USP7: variants seen among roughly 807,000 people sequenced by gnomAD.
USP7 encodes ubiquitin specific peptidase 7.
In USP7, 9 loss-of-function variants were observed where a neutral mutation model predicts 162.9. That is an observed-to-expected ratio of 0.06 (90% confidence interval 0.03 to 0.10). The LOEUF (loss-of-function observed/expected upper bound fraction) is 0.10. USP7 is among the 10% of genes least tolerant of loss of function. USP7 has a pLI of 1.00. For synonymous variants in USP7, 562 were observed against 475.9 expected (o/e 1.18, Z -2.35); for missense variants, 715 against 1,373.7 (o/e 0.52, Z 7.58).
chr16:8,961,514 G>GC (rs1900012612), intron 1 of USP7, among the ~76,000 whole-genome samples: 1 of 122,162 alleles, frequency 8.2e-6, no homozygotes, highest in South Asian at 3.3e-4. Context: ...AGGGGGGGGG[G>GC]GGCAAATACC....
intron 2 of USP7, among the ~76,000 whole-genome samples, chr16:8,928,849 G>C (rs1339447470): frequency 6.6e-6 from 1 of 152,040 alleles, no homozygotes; most frequent in African/African-American, 2.4e-5. Flanking sequence ...TACCCATATT[G>C]TCCCCTCATA....
In USP7 at chr16:8,892,693, T is replaced by C. The variant is rs1402082788; in HGVS notation, c.*1305A>G. The C allele has an allele frequency of 6.6e-6, 1 of 151,776 alleles. No individual in the cohort carries two copies. The highest frequency in any genetic ancestry group is 2.4e-5 in the African/African-American group (1 of 41,288). The allele number at this position is 151,776 out of a possible 1,614,324, so 9.4% of individuals were successfully genotyped here. ...GGAAAAGTACATCTCAGTGAAACCT[T>C]GTTACAAATGCCAAGGTTTCCCAGG... On this transcript the variant is annotated 3_prime_UTR_variant, in exon 31 of 31. Coordinates refer to ENST00000344836, the MANE Select transcript of USP7 (RefSeq NM_003470.3).
intron 1 of USP7, among the ~76,000 whole-genome samples, chr16:8,948,828 G>A (rs541653367): frequency 1.3e-5 from 2 of 152,338 alleles, no homozygotes; most frequent in East Asian, 3.9e-4. Context: ...GCCAGGCGTG[G>A]TGGCGTGTGC....
chr16:8,904,580 C>G lies in USP7; in HGVS notation c.1574-15G>C. ...TAAAACTTCACCTGCAGGACAAAGG[C>G]ATCCTCTTTGACCCCTGCAGATGGA... On this transcript the variant is annotated splice_polypyrimidine_tract_variant and intron_variant, in intron 14 of 30. Transcript: ENST00000344836. 6.2e-7 allele frequency: 1 copy of G among 1,613,178 alleles called. No homozygotes were observed. The highest frequency in any genetic ancestry group is 8.5e-7 in the Non-Finnish European group (1 of 1,179,768).
chr16:8,905,017 A>AT (rs1411461452), intron 14 of USP7, among the ~76,000 whole-genome samples, 170 bp downstream of exon 14: 1 of 152,204 alleles, frequency 6.6e-6, no homozygotes, highest in Non-Finnish European at 1.5e-5. Flanking sequence ...ACTTGGTACC[A>AT]TAAGTCTGCA....
rs1242551282 is a variant in USP7 at position 8,892,665 on chromosome 16, G to GAAGGAAA, written c.*1326_*1332dup. ...ACCCTGCCCCCGCAAAACGGAATTAGAAGGAAAAGTACATCTCAGTGAAAC... is the reference window on the plus strand; with the variant it reads ...ACCCTGCCCCCGCAAAACGGAATTAGAAGGAAAAAGGAAAAGTACATCTCAGTGAAAC... On this transcript the variant is annotated 3_prime_UTR_variant, in exon 31 of 31. Transcript: ENST00000344836. The GAAGGAAA allele has an allele frequency of 6.9e-6, 1 of 143,950 alleles. No homozygotes were observed. Among genetic ancestry groups the GAAGGAAA allele is most frequent in the Non-Finnish European group, 1.5e-5 (1 of 65,852 alleles). 8.9% of individuals were successfully genotyped at this position (143,950 alleles called of 1,614,324 possible).
At chr16:8,915,397 C>T (rs372000415) in intron 9 of USP7, 48 bp downstream of exon 9, 35 of 1,612,624 alleles carry the variant, frequency 2.2e-5, no homozygotes, top group Non-Finnish European at 2.8e-5. Context: ...AAAAAATTCA[C>T]ATTCTAAAAC....
rs1898256050 is a variant in USP7 at position 8,930,467 on chromosome 16, C to T, written c.80-70G>A. ...TTTAATAGAATAAGCAAAATATAAA[C>T]TTATACTTTTGATGTTGCCTAATCA... is the stretch of plus-strand genomic sequence containing the variant. On this transcript the variant is annotated intron_variant, in intron 1 of 30. Transcript: ENST00000344836. 1.7e-5 allele frequency: 19 copies of T among 1,122,694 alleles called. No homozygotes were observed. In the South Asian group the frequency reaches 2.7e-4, roughly 16 times the overall value. 69.5% of individuals were successfully genotyped at this position (1,122,694 alleles called of 1,614,324 possible).
rs1900118194 is a variant in USP7 at position 8,963,761 on chromosome 16, G to A, written c.-476C>T. Among the ~76,000 whole-genome samples, 1 of 144,242 alleles carries A rather than the reference G, an allele frequency of 6.9e-6. No individual in the cohort carries two copies. The highest frequency in any genetic ancestry group is 2.1e-4 in the South Asian group (1 of 4,720). 94.6% of individuals were successfully genotyped at this position (144,242 alleles called of 152,430 possible). A position where few individuals can be genotyped will look rare whatever the true frequency, so the allele number is the denominator to read the frequency against. ...TGCGGGCCCTGGGGCCGGCGGGAGC[G>A]GCGGAGCGGGCGGGCGACGGGCCGG... On this transcript the variant is annotated 5_prime_UTR_variant, in exon 1 of 31. Coordinates refer to ENST00000344836, the MANE Select transcript of USP7 (RefSeq NM_003470.3).
At chr16:8,903,486 G>A (rs1011330171) in intron 15 of USP7, 84 bp from the exon 16 acceptor site, 4 of 1,419,152 alleles carry the variant, frequency 2.8e-6, no homozygotes, top group Admixed American at 2.7e-5. Context: ...ACACTAAAAC[G>A]CTGAAAACTC....
At chr16:8,897,894 G>A (rs1400957006) in intron 25 of USP7, among the ~76,000 whole-genome samples, 2 of 150,818 alleles carry the variant, frequency 1.3e-5, no homozygotes, top group Admixed American at 6.6e-5. Context: ...GCGAGACCCT[G>A]TCTCGAAAAA....
intron 26 of USP7, among the ~76,000 whole-genome samples, chr16:8,896,053 A>G (rs2061676432): frequency 6.7e-6 from 1 of 148,922 alleles, no homozygotes; most frequent in African/African-American, 2.5e-5. Context: ...GTTAGCCAGG[A>G]TGGTCTCGAA....
intron 1 of USP7, among the ~76,000 whole-genome samples, chr16:8,945,594 G>A (rs960883180): frequency 1.3e-5 from 2 of 152,144 alleles, no homozygotes; most frequent in African/African-American, 2.4e-5. Context: ...GACATACCGT[G>A]CCCATGGAGT....
At chr16:8,911,607 G>A (rs536061814) in intron 10 of USP7, among the ~76,000 whole-genome samples, 2 of 152,232 alleles carry the variant, frequency 1.3e-5, no homozygotes, top group African/African-American at 2.4e-5. Context: ...TGAGAGCCCC[G>A]TGATGGGCCC....
At chr16:8,927,542 G>C (rs994274690) in intron 2 of USP7, among the ~76,000 whole-genome samples, 1 of 152,106 alleles carries the variant, frequency 6.6e-6, no homozygotes, top group Non-Finnish European at 1.5e-5. Context: ...TTCAGAGGCC[G>C]TATTTGCTCT....
chr16:8,893,949 A>C lies in USP7; in HGVS notation c.*49T>G, dbSNP rs2061642989. On this transcript the variant is annotated 3_prime_UTR_variant, in exon 31 of 31. Coordinates refer to ENST00000344836, the MANE Select transcript of USP7 (RefSeq NM_003470.3). ...ACGTGCACCAAAGTTCTAGGCTGTT[A>C]AGGGGCCACCCACACACCGTCCTCG... 1.6e-5 allele frequency: 25 copies of C among 1,563,398 alleles called. No homozygotes were observed. Among genetic ancestry groups the C allele is most frequent in the Non-Finnish European group, 2.1e-5 (24 of 1,133,686 alleles).
intron 1 of USP7, among the ~76,000 whole-genome samples, chr16:8,948,206 T>C (rs1282814276): frequency 6.6e-6 from 1 of 152,154 alleles, no homozygotes; most frequent in Admixed American, 6.5e-5. Flanking sequence ...TGACCTTGAT[T>C]CCTCCCTCCC....
At chr16:8,918,036 C>T (rs1378691624) in intron 6 of USP7, among the ~76,000 whole-genome samples, 3 of 152,072 alleles carry the variant, frequency 2.0e-5, no homozygotes, top group African/African-American at 4.8e-5. Flanking sequence ...ATGATCCGCC[C>T]GCCTCGGCCT....
intron 1 of USP7, among the ~76,000 whole-genome samples, chr16:8,959,057 G>T (rs1232859654): frequency 6.6e-6 from 1 of 152,096 alleles, no homozygotes; most frequent in Non-Finnish European, 1.5e-5. Context: ...TACCACCAAG[G>T]CAACACCATG....
Sources: gnomAD v4.1 joint callset for allele counts (sites outside exome capture counted in the v4.1 genomes callset) on GRCh38, gnomAD v4.1.1 for gene constraint, MANE v1.5 for transcripts, NCBI Gene and HGNC (gene_info 2026-07-23, HGNC 2026-07-21) for gene names.